MBOAT1: variants seen among roughly 807,000 people sequenced by gnomAD.
The protein encoded by MBOAT1 is membrane bound glycerophospholipid O-acyltransferase 1.
A neutral mutation model predicts 64.4 loss-of-function variants in MBOAT1; 67 were observed. The observed-to-expected ratio is 1.04, with a 90% CI of 0.85 to 1.27. The LOEUF (loss-of-function observed/expected upper bound fraction) is 1.27. Among genes scored for constraint, MBOAT1 ranks in the 50% most tolerant of loss-of-function variants. The pLI is 0.00. For synonymous variants in MBOAT1, 229 were observed against 218.9 expected, an observed-to-expected ratio of 1.05 and a Z score of -0.41; for missense variants, 563 against 604.6, an observed-to-expected ratio of 0.93 and a Z score of 0.72.
At chr6:20,165,476 C>T (rs529926667) in intron 1 of MBOAT1, among the ~76,000 whole-genome samples, 91 of 152,280 alleles carry the variant, frequency 6.0e-4, no homozygotes, top group African/African-American at 2.1e-3. Flanking sequence ...GGTGCAATGG[C>T]TCACACCTGT....
At position 20,208,489 on chromosome 6, in the gene MBOAT1, A is replaced by ATCAAAC. The variant is rs369235776; in HGVS notation, c.99+3641_99+3646dup. Among the ~76,000 whole-genome samples the ATCAAAC allele has an allele frequency of 9.9e-3, 1,483 of 149,678 alleles. 16 individuals carry two copies. Among genetic ancestry groups the ATCAAAC allele is most frequent in the Middle Eastern group, 0.039 (11 of 282 alleles). On this transcript the variant is annotated intron_variant, in intron 1 of 12. Coordinates refer to ENST00000324607, the MANE Select transcript of MBOAT1 (RefSeq NM_001080480.3). ...TGTAGTCATGGGCCCAGGTGAAATA[A>ATCAAAC]TCAAACTCACTCCTGGTATCACCAT...
intron 1 of MBOAT1, among the ~76,000 whole-genome samples, chr6:20,206,379 G>A (rs950882139): frequency 2.6e-5 from 4 of 152,118 alleles, no homozygotes; most frequent in Non-Finnish European, 5.9e-5. Context: ...TCGCCATGTT[G>A]GCCAGGCTGG....
chr6:20,198,766 C>G (rs1439314853), intron 1 of MBOAT1, among the ~76,000 whole-genome samples: 1 of 152,182 alleles, frequency 6.6e-6, no homozygotes, highest in Non-Finnish European at 1.5e-5. Context: ...CGTAAGCAGT[C>G]AATTTCTAAA....
chr6:20,178,916 T>C (rs1265570423), intron 1 of MBOAT1, among the ~76,000 whole-genome samples: 4 of 150,894 alleles, frequency 2.7e-5, no homozygotes, highest in Non-Finnish European at 5.9e-5. Flanking sequence ...AAAATTCCTA[T>C]AAATGTTTTT....
chr6:20,187,332 G>A (rs1351357405), intron 1 of MBOAT1, among the ~76,000 whole-genome samples: 6 of 152,188 alleles, frequency 3.9e-5, no homozygotes, highest in Admixed American at 2.0e-4. Flanking sequence ...GAGGGAAAAG[G>A]ATTATTATTA....
intron 3 of MBOAT1, among the ~76,000 whole-genome samples, chr6:20,146,344 A>T (rs1452160315): frequency 6.6e-6 from 1 of 152,228 alleles, no homozygotes; most frequent in African/African-American, 2.4e-5. Context: ...AACATGAAGG[A>T]GTTCTGTAAA....
intron 1 of MBOAT1, among the ~76,000 whole-genome samples, chr6:20,209,454 A>T (rs2113781224): frequency 6.6e-6 from 1 of 152,356 alleles, no homozygotes. Flanking sequence ...CAGATGAAAA[A>T]GAATGAATAA....
intron 4 of MBOAT1, among the ~76,000 whole-genome samples, chr6:20,143,718 T>A (rs947459091): frequency 1.1e-4 from 17 of 152,138 alleles, no homozygotes; most frequent in Non-Finnish European, 2.1e-4. Flanking sequence ...CAGGTTTGCC[T>A]ATGTAACAAA....
rs1339447245 is a variant in MBOAT1 at position 20,212,148 on chromosome 6, G to A, written c.87C>T (p.Ile29=). The A allele has an allele frequency of 1.2e-6, 2 of 1,613,662 alleles. No individual in the cohort carries two copies. The highest frequency in any genetic ancestry group is 2.2e-5 in the South Asian group (2 of 91,032). Residue 29 remains isoleucine, a synonymous_variant, in exon 1 of 13, where the codon ATC becomes ATT. Coordinates refer to ENST00000324607, the MANE Select transcript of MBOAT1 (RefSeq NM_001080480.3). ...YLHPLSELLG[I]PLDQVNFVVC... is the part of the protein sequence containing the mutation. ...GGCCTGCAGTTACCTGGTCCAGCGGGATGCCCAGGAGCTCGCTGAGCGGGT... is the reference window on the plus strand; with the variant it reads ...GGCCTGCAGTTACCTGGTCCAGCGGAATGCCCAGGAGCTCGCTGAGCGGGT...
At position 20,152,644 on chromosome 6, in the gene MBOAT1, A is replaced by C. The variant is rs747763497; in HGVS notation, c.225T>G (p.Phe75Leu). 6.2e-7 allele frequency: 1 copy of C among 1,610,720 alleles called. No homozygotes were observed. Among genetic ancestry groups the C allele is most frequent in the South Asian group, 1.1e-5 (1 of 90,660 alleles). The change falls in exon 2 of 13, where the codon TTT (phenylalanine) becomes TTG (leucine). Residue 75 changes from phenylalanine (F) to leucine (L), a missense_variant. By Grantham distance (22) the Phe-to-Leu change is conservative. Coordinates refer to ENST00000324607, the MANE Select transcript of MBOAT1 (RefSeq NM_001080480.3). ...CTCACCAGCCGAAACAAAAGATGACAAAATAGATGCCAAAAATGGTGGCAA... is the reference window on the plus strand; with the variant it reads ...CTCACCAGCCGAAACAAAAGATGACCAAATAGATGCCAAAAATGGTGGCAA... Reference protein sequence around the residue: ...HAVATIFGIYFVIFCFGWYSV... With the variant: ...HAVATIFGIYLVIFCFGWYSV...
intron 7 of MBOAT1, among the ~76,000 whole-genome samples, chr6:20,124,941 C>T: frequency 6.6e-6 from 1 of 152,020 alleles, no homozygotes; most frequent in Non-Finnish European, 1.5e-5. Flanking sequence ...TCAAGAAAAA[C>T]AAAAAACATT....
intron 6 of MBOAT1, 91 bp downstream of exon 6, chr6:20,128,608 C>A: frequency 1.1e-6 from 1 of 874,260 alleles, no homozygotes. Flanking sequence ...ATCCATAGAA[C>A]AGAATTAATG....
chr6:20,187,970 G>A (rs1197641692), intron 1 of MBOAT1, among the ~76,000 whole-genome samples: 3 of 152,154 alleles, frequency 2.0e-5, no homozygotes, highest in Admixed American at 1.3e-4. Flanking sequence ...AAGTGACAGA[G>A]CAAGACCTTG....
chr6:20,209,684 TC>T (rs1264619851), intron 1 of MBOAT1, among the ~76,000 whole-genome samples: 1 of 152,158 alleles, frequency 6.6e-6, no homozygotes, highest in Non-Finnish European at 1.5e-5. Context: ...TTTGAGCATA[TC>T]CCAGGCCAAT....
chr6:20,128,803 T>C, intron 5 of MBOAT1, 50 bp from the exon 6 acceptor site: 2 of 1,328,102 alleles, frequency 1.5e-6, no homozygotes, highest in Middle Eastern at 1.9e-4. Context: ...GTGAATTAGA[T>C]GACAAATTAT....
intron 5 of MBOAT1, among the ~76,000 whole-genome samples, chr6:20,129,437 T>G (rs1760753628): frequency 6.6e-6 from 1 of 152,096 alleles, no homozygotes; most frequent in African/African-American, 2.4e-5. Context: ...AAGCAATATG[T>G]CAACTCTAAA....
rs532074232 is a variant in MBOAT1, at chr6:20,102,101, C to G, written c.*185G>C. ...CTGCACTCCAGCCTGGGCGACAGAG[C>G]GAGACTCCGTCTCAAAAAAAAAAAA... On this transcript the variant is annotated 3_prime_UTR_variant, in exon 13 of 13. Coordinates refer to ENST00000324607, the MANE Select transcript of MBOAT1 (RefSeq NM_001080480.3). 2.9e-6 allele frequency: 1 copy of G among 348,114 alleles called. No individual in the cohort carries two copies. Among genetic ancestry groups the G allele is most frequent in the East Asian group, 7.4e-5 (1 of 13,582 alleles). The allele number at this position is 348,114 out of a possible 1,614,324, so 21.6% of individuals were successfully genotyped here.
intron 1 of MBOAT1, among the ~76,000 whole-genome samples, chr6:20,183,907 A>G (rs1762575328): frequency 6.6e-6 from 1 of 152,206 alleles, no homozygotes; most frequent in African/African-American, 2.4e-5. Flanking sequence ...GGTGGCAGCA[A>G]GAGAAAAATG....
In MBOAT1 at chr6:20,112,857, A is replaced by G; in HGVS notation, c.1209+19T>C. 6.2e-7 allele frequency: 1 copy of G among 1,609,258 alleles called. No individual in the cohort carries two copies. Among genetic ancestry groups the G allele is most frequent in the Non-Finnish European group, 8.5e-7 (1 of 1,177,488 alleles). On this transcript the variant is annotated intron_variant, in intron 11 of 12. Transcript: ENST00000324607. Reference sequence around the variant, plus strand: ...TCAGATTACTAAGGGGAAAGACCCTAGGCCTAAAGCACACTTACCGCTCTA... The same window carrying G: ...TCAGATTACTAAGGGGAAAGACCCTGGGCCTAAAGCACACTTACCGCTCTA...
Sources: gnomAD v4.1 joint callset for allele counts (sites outside exome capture counted in the v4.1 genomes callset) on GRCh38, gnomAD v4.1.1 for gene constraint, MANE v1.5 for transcripts, NCBI Gene and HGNC (gene_info 2026-07-23, HGNC 2026-07-21) for gene names.